Variants in SRBD1 observed in about 807,000 individuals in gnomAD.
SRBD1 encodes the protein S1 RNA-binding domain-containing protein 1.
Under a neutral mutation model 115.3 loss-of-function variants are expected in SRBD1, and 88 were observed. The ratio of observed to expected loss-of-function variants is 0.76; its 90% CI spans 0.64 to 0.91. SRBD1 has a LOEUF of 0.91. SRBD1 is among the 40% of genes least tolerant of loss of function. SRBD1 has a pLI of 0.00. For missense variants in SRBD1, 1,385 were observed against 1,177.4 expected (o/e 1.18, Z -2.58); for synonymous variants, 509 against 407.7 (o/e 1.25, Z -2.99).
intron 14 of SRBD1, among the ~76,000 whole-genome samples, chr2:45,523,448 A>G (rs1671349823): frequency 6.6e-6 from 1 of 151,928 alleles, no homozygotes; most frequent in African/African-American, 2.4e-5. Flanking sequence ...ACAAACCATT[A>G]GCTAGACTGA....
At chr2:45,591,486 G>T (rs1469752053) in intron 4 of SRBD1, among the ~76,000 whole-genome samples, 1 of 152,152 alleles carries the variant, frequency 6.6e-6, no homozygotes, top group Admixed American at 6.5e-5. Flanking sequence ...TTTCTCTACT[G>T]CAATTCTCTT....
At chr2:45,449,404 C>T (rs578081028) in intron 16 of SRBD1, among the ~76,000 whole-genome samples, 53 of 152,240 alleles carry the variant, frequency 3.5e-4, no homozygotes, top group African/African-American at 1.2e-3. Context: ...ATTCTAAAAT[C>T]GCTTCATAAA....
intron 16 of SRBD1, among the ~76,000 whole-genome samples, chr2:45,463,211 C>T (rs1207594907): frequency 6.6e-6 from 1 of 152,166 alleles, no homozygotes; most frequent in Admixed American, 6.5e-5. Context: ...CCCTTCCTGT[C>T]TCTGTACCAC....
intron 15 of SRBD1, among the ~76,000 whole-genome samples, chr2:45,486,132 G>T (rs1325020400): frequency 6.6e-6 from 1 of 152,088 alleles, no homozygotes; most frequent in Non-Finnish European, 1.5e-5. Context: ...TTGGAATGTT[G>T]TAATTCTGTC....
chr2:45,440,902 T>C (rs185727582), intron 16 of SRBD1, among the ~76,000 whole-genome samples: 93 of 152,196 alleles, frequency 6.1e-4, no homozygotes, highest in African/African-American at 2.1e-3. Flanking sequence ...ATTTGTCTGT[T>C]TGAGGAGACA....
intron 20 of SRBD1, among the ~76,000 whole-genome samples, chr2:45,390,888 C>G (rs376320401): frequency 7.9e-5 from 12 of 152,166 alleles, no homozygotes; most frequent in African/African-American, 2.9e-4. Context: ...GGAATTGATT[C>G]TGTGGAATTT....
intron 14 of SRBD1, among the ~76,000 whole-genome samples, chr2:45,525,348 C>T (rs934840147): frequency 4.0e-5 from 6 of 151,852 alleles, no homozygotes; most frequent in Non-Finnish European, 5.9e-5. Context: ...AAATGTAAAA[C>T]GACAACCTAC....
chr2:45,470,843 A>T (rs747509031), intron 16 of SRBD1, among the ~76,000 whole-genome samples: 1 of 152,198 alleles, frequency 6.6e-6, no homozygotes, highest in Non-Finnish European at 1.5e-5. Context: ...AATGACAGGC[A>T]TGTGTTTTTA....
chr2:45,419,968 T>C (rs1667949135), intron 16 of SRBD1, 74 bp from the exon 17 acceptor site: 11 of 1,295,100 alleles, frequency 8.5e-6, no homozygotes, highest in Admixed American at 1.7e-5. Flanking sequence ...TCTGCCTATA[T>C]TACTGGTGGT....
chr2:45,415,707 A>G (rs1160758219), intron 18 of SRBD1, among the ~76,000 whole-genome samples: 1 of 6,648 alleles, frequency 1.5e-4, no homozygotes, highest in African/African-American at 7.3e-4. Context: ...AGGAGAGGAG[A>G]GGAGAGGAGA....
intron 14 of SRBD1, among the ~76,000 whole-genome samples, chr2:45,518,009 T>C (rs527658526): frequency 6.6e-6 from 1 of 152,176 alleles, no homozygotes; most frequent in East Asian, 1.9e-4. Context: ...AAAATAATGA[T>C]GATGATGATA....
chr2:45,419,584 C>T (rs1225621214), intron 17 of SRBD1, among the ~76,000 whole-genome samples: 1 of 152,196 alleles, frequency 6.6e-6, no homozygotes, highest in African/African-American at 2.4e-5. Context: ...TTTAGACCTG[C>T]AATATTAAAA....
intron 5 of SRBD1, among the ~76,000 whole-genome samples, chr2:45,582,954 A>T (rs1673410920): frequency 6.6e-6 from 1 of 152,182 alleles, no homozygotes; most frequent in Admixed American, 6.5e-5. Context: ...TGATTCCAGG[A>T]ATCAATTTAC....
rs534496837 is a variant in SRBD1 at position 45,453,268 on chromosome 2, GA to G, written c.2049+23724del. On this transcript the variant is annotated intron_variant, in intron 16 of 20. Transcript: ENST00000263736. ...TGACTGACTTCAACACTGCTATAAG[GA>G]AAAAAAAAAAAAAGAAAGAAAAGAA... Among the ~76,000 whole-genome samples, 253 of 127,356 alleles carry G rather than the reference GA, an allele frequency of 2.0e-3. 2 individuals are homozygous for G. The highest frequency in any genetic ancestry group is 9.7e-3 in the South Asian group (38 of 3,912). 83.6% of individuals were successfully genotyped at this position (127,356 alleles called of 152,430 possible). A position where few individuals can be genotyped will look rare whatever the true frequency, so the allele number is the denominator to read the frequency against.
intron 16 of SRBD1, among the ~76,000 whole-genome samples, chr2:45,461,813 T>C (rs906290502): frequency 1.3e-5 from 2 of 152,220 alleles, no homozygotes; most frequent in Admixed American, 6.5e-5. Context: ...TCGTCATTCA[T>C]TGAGAGCTTA....
At position 45,573,451 on chromosome 2, in the gene SRBD1, G is replaced by GT. The variant is rs961167369; in HGVS notation, c.1170-110dup. ...AAAAAGTTAAGCCATTACCAAGTGA[G>GT]TTTTTTTAATGATGCCCAGCTATGA... On this transcript the variant is annotated intron_variant, in intron 8 of 20. Coordinates refer to ENST00000263736, the MANE Select transcript of SRBD1 (RefSeq NM_018079.5). The GT allele has an allele frequency of 7.6e-6, 10 of 1,315,370 alleles. No individual in the cohort carries two copies. The African/African-American group carries it at 1.5e-4, about 20-fold the overall frequency. 81.5% of individuals were successfully genotyped at this position (1,315,370 alleles called of 1,614,324 possible).
At chr2:45,585,082 A>G (rs1375346504) in intron 5 of SRBD1, among the ~76,000 whole-genome samples, 3 of 151,924 alleles carry the variant, frequency 2.0e-5, no homozygotes, top group Non-Finnish European at 4.4e-5. Flanking sequence ...CCTGGGATAC[A>G]GAGATTGTAG....
intron 19 of SRBD1, among the ~76,000 whole-genome samples, chr2:45,409,338 C>A (rs1400543287): frequency 3.3e-5 from 5 of 151,830 alleles, no homozygotes; most frequent in Non-Finnish European, 7.4e-5. Context: ...GTCTATGAAT[C>A]CCTGTGCACA....
intron 19 of SRBD1, among the ~76,000 whole-genome samples, chr2:45,401,381 C>A (rs1667288236): frequency 6.6e-6 from 1 of 152,150 alleles, no homozygotes; most frequent in Admixed American, 6.5e-5. Flanking sequence ...ATAAGGCAAT[C>A]TAATATTGTC....
Sources: gnomAD v4.1 joint callset for allele counts (sites outside exome capture counted in the v4.1 genomes callset) on GRCh38, gnomAD v4.1.1 for gene constraint, MANE v1.5 for transcripts, NCBI Gene and HGNC (gene_info 2026-07-23, HGNC 2026-07-21) for gene names.